GLYATL2: variants seen among roughly 807,000 people sequenced by gnomAD.
The protein encoded by GLYATL2 is glycine N-acyltransferase-like protein 2.
GLYATL2 carries 25 observed loss-of-function variants against 21.4 expected under a neutral mutation model. That is an observed-to-expected ratio of 1.17 (90% CI 0.85 to 1.63). GLYATL2 has a LOEUF of 1.63. Ranked by LOEUF, GLYATL2 falls within the 40% of genes most tolerant of loss-of-function variation. The pLI, the probability that GLYATL2 is intolerant of heterozygous loss-of-function variation, is 0.00. For synonymous variants in GLYATL2, 114 were observed against 118.2 expected (o/e 0.96, Z 0.23); for missense variants, 361 against 343.3 (o/e 1.05, Z -0.41).
chr11:58,906,294 A>C (rs1040180450), upstream of GLYATL2, among the ~76,000 whole-genome samples: 3 of 152,170 alleles, frequency 2.0e-5, no homozygotes, highest in Admixed American at 6.5e-5. Flanking sequence ...TCCTGAAAAG[A>C]TACATGGAGA....
chr11:58,904,947 T>A (rs2134633517), upstream of GLYATL2, among the ~76,000 whole-genome samples: 1 of 152,306 alleles, frequency 6.6e-6, no homozygotes, highest in Non-Finnish European at 1.5e-5. Context: ...GGCATCTCCT[T>A]CTATTCATGT....
At chr11:58,853,958 C>A (rs1303118351) in intron 1 of GLYATL2, among the ~76,000 whole-genome samples, 1 of 152,102 alleles carries the variant, frequency 6.6e-6, no homozygotes, top group African/African-American at 2.4e-5. Context: ...CTCCCCAGTC[C>A]CTACCACCTC....
intron 1 of GLYATL2, among the ~76,000 whole-genome samples, chr11:58,857,702 CT>C (rs1159159852): frequency 6.6e-6 from 1 of 152,040 alleles, no homozygotes; most frequent in Non-Finnish European, 1.5e-5. Context: ...TGGACTAGCA[CT>C]TTTAATTTCC....
rs150771133 is a variant in GLYATL2, at chr11:58,841,857, A to G, written c.-40-2205T>C. 1.6e-4 allele frequency among the ~76,000 whole-genome samples: 25 copies of G among 152,300 alleles called. 1 individual carries two copies. In the East Asian group the frequency reaches 4.6e-3, roughly 28 times the overall value. ...ATATGAGTACTAAAGATGGCAGTGC[A>G]TTTTGGAGTTAGGAGTTGATTACTG... On this transcript the variant is annotated intron_variant, in intron 1 of 5. Coordinates refer to ENST00000287275, the MANE Select transcript of GLYATL2 (RefSeq NM_145016.4).
At chr11:58,869,231 A>T (rs913480934) in intron 1 of GLYATL2, among the ~76,000 whole-genome samples, 1 of 152,184 alleles carries the variant, frequency 6.6e-6, no homozygotes, top group Admixed American at 6.5e-5. Flanking sequence ...TTAGAATTTG[A>T]TAAACCGATA....
intron 1 of GLYATL2, among the ~76,000 whole-genome samples, chr11:58,902,532 G>C (rs892163866): frequency 2.0e-5 from 3 of 152,180 alleles, no homozygotes; most frequent in East Asian, 1.9e-4. Context: ...TCAGCCTACT[G>C]TTAGAGTTTA....
In GLYATL2 at chr11:58,838,322, A is replaced by C. The variant is rs201184601; in HGVS notation, c.125T>G (p.Met42Arg). Residue 42 changes from methionine to arginine, a missense_variant, in exon 3 of 6, where the codon ATG becomes AGG. Coordinates refer to ENST00000287275, the MANE Select transcript of GLYATL2 (RefSeq NM_145016.4). ...FNIKDKNPFNMEVLVDAWPDY... is the reference protein window; with the variant it reads ...FNIKDKNPFNREVLVDAWPDY... ...TGGCCAGGCATCTACCAGCACCTCC[A>C]TGTTGAAAGGGTTTTTATCTTTTAT... 9.9e-5 allele frequency: 160 copies of C among 1,613,454 alleles called. 3 individuals are homozygous for C. Among genetic ancestry groups the C allele is most frequent in the South Asian group, 4.5e-4 (41 of 91,062 alleles).
At chr11:58,881,707 A>G (rs1284568414) in intron 1 of GLYATL2, among the ~76,000 whole-genome samples, 1 of 152,146 alleles carries the variant, frequency 6.6e-6, no homozygotes, top group Non-Finnish European at 1.5e-5. Context: ...CATTTACAAT[A>G]GTTATTTCTC....
intron 1 of GLYATL2, among the ~76,000 whole-genome samples, chr11:58,897,810 C>A (rs937935648): frequency 2.6e-5 from 4 of 152,106 alleles, no homozygotes; most frequent in African/African-American, 9.7e-5. Flanking sequence ...AAACACTGAA[C>A]TTTTTAGTTG....
At chr11:58,889,761 C>A (rs1378992254) in intron 1 of GLYATL2, among the ~76,000 whole-genome samples, 3 of 151,992 alleles carry the variant, frequency 2.0e-5, no homozygotes, top group African/African-American at 7.2e-5. Flanking sequence ...ATATTTTATT[C>A]AGAATTTTTG....
chr11:58,875,296 G>A (rs1376950809), intron 1 of GLYATL2, among the ~76,000 whole-genome samples: 1 of 152,116 alleles, frequency 6.6e-6, no homozygotes, highest in African/African-American at 2.4e-5. Flanking sequence ...TACATTTAAG[G>A]TTAGTACTGT....
At chr11:58,902,258 C>A (rs922662452) in intron 1 of GLYATL2, among the ~76,000 whole-genome samples, 13 of 152,164 alleles carry the variant, frequency 8.5e-5, no homozygotes, top group Admixed American at 5.9e-4. Context: ...CTTTCACATA[C>A]CCCATTGCAA....
chr11:58,848,906 A>G (rs1196679354), upstream of GLYATL2, among the ~76,000 whole-genome samples: 1 of 152,176 alleles, frequency 6.6e-6, no homozygotes. Context: ...AGGCATTTAA[A>G]ATCAAACTCC....
At chr11:58,842,151 T>C (rs1853564472) in intron 1 of GLYATL2, among the ~76,000 whole-genome samples, 2 of 152,240 alleles carry the variant, frequency 1.3e-5, no homozygotes, top group Non-Finnish European at 2.9e-5. Context: ...ATGCCAACCC[T>C]ATTTCAGCTT....
intron 1 of GLYATL2, among the ~76,000 whole-genome samples, chr11:58,859,285 A>ACCTGGATT (rs1429055380): frequency 6.6e-6 from 1 of 151,776 alleles, no homozygotes; most frequent in Non-Finnish European, 1.5e-5. Context: ...CCTAGGGAAT[A>ACCTGGATT]CCTGGATTCC....
At chr11:58,868,931 G>A (rs1294256108) in intron 1 of GLYATL2, among the ~76,000 whole-genome samples, 1 of 149,142 alleles carries the variant, frequency 6.7e-6, no homozygotes, top group Non-Finnish European at 1.5e-5. Context: ...CTGATGAAGA[G>A]AGGGAAGTAC....
intron 2 of GLYATL2, 28 bp from the exon 3 acceptor site, chr11:58,838,396 AGG>A: frequency 7.1e-7 from 1 of 1,404,330 alleles, no homozygotes; most frequent in Non-Finnish European, 1.0e-6. Context: ...AAAGCAGGAG[AGG>A]ATGAAGTTCT....
chr11:58,893,936 A>G (rs1375217718), intron 1 of GLYATL2, among the ~76,000 whole-genome samples: 3 of 152,164 alleles, frequency 2.0e-5, no homozygotes, highest in African/African-American at 7.2e-5. Flanking sequence ...CTCTTATTTT[A>G]GTGACTAGCT....
chr11:58,877,601 AG>A (rs1162185165), intron 1 of GLYATL2, among the ~76,000 whole-genome samples: 1 of 152,254 alleles, frequency 6.6e-6, no homozygotes, highest in Non-Finnish European at 1.5e-5. Flanking sequence ...AGGAAAACCA[AG>A]AGAGTGTGCT....
Sources: gnomAD v4.1 joint callset for allele counts (sites outside exome capture counted in the v4.1 genomes callset) on GRCh38, gnomAD v4.1.1 for gene constraint, MANE v1.5 for transcripts, NCBI Gene and HGNC (gene_info 2026-07-23, HGNC 2026-07-21) for gene names.